Variants in SGPL1 observed in about 807,000 individuals in gnomAD.
The protein encoded by SGPL1 is sphingosine-1-phosphate lyase 1.
Under a neutral mutation model 68.9 loss-of-function variants are expected in SGPL1, and 37 were observed. The ratio of observed to expected loss-of-function variants is 0.54; its 90% CI spans 0.41 to 0.71. SGPL1 has a LOEUF of 0.71. SGPL1 is among the 30% of genes least tolerant of loss of function. SGPL1 has a pLI of 0.00. For missense variants in SGPL1, 551 were observed against 704.6 expected (o/e 0.78, Z 2.47); for synonymous variants, 236 against 248.5 (o/e 0.95, Z 0.47).
chr10:70,873,323 C>T, intron 11 of SGPL1, 28 bp from the exon 12 acceptor site: 1 of 1,551,770 alleles, frequency 6.4e-7, no homozygotes, highest in Non-Finnish European at 8.9e-7. Flanking sequence ...TATACTCTCA[C>T]TTTTCTTGTC....
chr10:70,823,132 G>A (rs961206218), intron 2 of SGPL1, among the ~76,000 whole-genome samples: 13 of 152,012 alleles, frequency 8.6e-5, no homozygotes, highest in African/African-American at 1.7e-4. Context: ...TTCAAGGGGC[G>A]TGTGTGTGTC....
In SGPL1 at chr10:70,816,858, C is replaced by T. The variant is rs748682850; in HGVS notation, c.5C>T (p.Pro2Leu). ...AGAGGAGGCTGGAAGAGGAAGATGCCTAGCACAGACCTTCTGATGTTGGTG... is the reference window on the plus strand; with the variant it reads ...AGAGGAGGCTGGAAGAGGAAGATGCTTAGCACAGACCTTCTGATGTTGGTG... MPSTDLLMLKAF... is the reference protein window; with the variant it reads MLSTDLLMLKAF... Residue 2 changes from proline to leucine, a missense_variant, in exon 2 of 15, where the codon CCT (proline) becomes CTT (leucine). Pro to Leu is a moderately conservative substitution (Grantham distance 98, BLOSUM62 -3). Coordinates refer to ENST00000373202, the MANE Select transcript of SGPL1 (RefSeq NM_003901.4). The T allele has an allele frequency of 6.2e-7, 1 of 1,614,112 alleles. No individual in the cohort carries two copies. Among genetic ancestry groups the T allele is most frequent in the Non-Finnish European group, 8.5e-7 (1 of 1,179,972 alleles).
chr10:70,835,772 T>C (rs974883911), intron 2 of SGPL1, among the ~76,000 whole-genome samples: 5 of 150,540 alleles, frequency 3.3e-5, no homozygotes, highest in South Asian at 2.1e-4. Flanking sequence ...AAGAAGACAT[T>C]GTACAGGAGA....
intron 4 of SGPL1, among the ~76,000 whole-genome samples, chr10:70,851,568 A>T (rs567295182): frequency 6.6e-6 from 1 of 152,186 alleles, no homozygotes; most frequent in African/African-American, 2.4e-5. Context: ...GAGAGATGAG[A>T]AGCCTGTTAA....
In SGPL1 at chr10:70,876,579, G is replaced by C. The variant is rs753391574; in HGVS notation, c.1484G>C (p.Arg495Pro). The change falls in exon 14 of 15, where the codon CGA becomes CCA. Residue 495 changes from arginine to proline, a missense_variant. Arg to Pro is a moderately radical substitution (Grantham distance 103, BLOSUM62 -2). Transcript: ENST00000373202. ...ATCACATTACTACACGCCCGGAAAC[G>C]AGTAGCTATACAATTCCTAAAGGAC... ...FCITLLHARK[R>P]VAIQFLKDIR... The C allele has an allele frequency of 6.2e-7, 1 of 1,612,682 alleles. No homozygotes were observed. Among genetic ancestry groups the C allele is most frequent in the Admixed American group, 1.7e-5 (1 of 60,000 alleles).
intron 14 of SGPL1, 130 bp from the exon 15 acceptor site, chr10:70,877,065 T>C (rs1216017462): frequency 1.2e-6 from 1 of 806,584 alleles, no homozygotes; most frequent in Non-Finnish European, 2.0e-6. Flanking sequence ...ATGGGATGCC[T>C]TAGGTGGAAA....
At position 70,851,189 on chromosome 10, in the gene SGPL1, GA is replaced by G. The variant is rs1187892227; in HGVS notation, c.241del (p.Met81CysfsTer12). The G allele has an allele frequency of 6.2e-7, 1 of 1,613,668 alleles. No individual in the cohort carries two copies. Among genetic ancestry groups the G allele is most frequent in the African/African-American group, 1.3e-5 (1 of 74,914 alleles). ...KKKCFKLTRK[M>X]PIIGRKIQDK... ...AGAAATGTTTTAAGCTCACCAGGAA[GA>G]TGCCCATTATTGGTCGTAAGGTAAG... On this transcript the variant is annotated frameshift_variant, in exon 4 of 15. Coordinates refer to ENST00000373202, the MANE Select transcript of SGPL1 (RefSeq NM_003901.4). LOFTEE classifies it high-confidence loss of function.
chr10:70,868,329 C>G lies in SGPL1; in HGVS notation c.616-16C>G, dbSNP rs1044392771. The G allele has an allele frequency of 5.0e-6, 8 of 1,585,752 alleles. No individual in the cohort carries two copies. Among genetic ancestry groups the G allele is most frequent in the Non-Finnish European group, 6.0e-6 (7 of 1,162,302 alleles). On this transcript the variant is annotated splice_polypyrimidine_tract_variant and intron_variant, in intron 7 of 14. Coordinates refer to ENST00000373202, the MANE Select transcript of SGPL1 (RefSeq NM_003901.4). ...TCCTGACTCCCCCAACAGATGGCATCTCTTCTTTATTATAGGTGACTTCTG... is the reference window on the plus strand; with the variant it reads ...TCCTGACTCCCCCAACAGATGGCATGTCTTCTTTATTATAGGTGACTTCTG...
At chr10:70,818,429 T>A (rs1465473266) in intron 2 of SGPL1, among the ~76,000 whole-genome samples, 1 of 152,124 alleles carries the variant, frequency 6.6e-6, no homozygotes, top group Non-Finnish European at 1.5e-5. Context: ...CAGCCAAGTT[T>A]GTTTGTTTGT....
chr10:70,860,049 A>G (rs1036841689), intron 7 of SGPL1, among the ~76,000 whole-genome samples: 1 of 152,170 alleles, frequency 6.6e-6, no homozygotes, highest in Non-Finnish European at 1.5e-5. Context: ...TGTAAACTGA[A>G]CCTCATTTAG....
chr10:70,855,583 G>A (rs1845951217), intron 5 of SGPL1, among the ~76,000 whole-genome samples: 2 of 152,190 alleles, frequency 1.3e-5, no homozygotes, highest in African/African-American at 4.8e-5. Flanking sequence ...GATTAAATGA[G>A]ATCATACATG....
intron 7 of SGPL1, among the ~76,000 whole-genome samples, chr10:70,863,635 G>A (rs1846124553): frequency 6.6e-6 from 1 of 152,072 alleles, no homozygotes; most frequent in Non-Finnish European, 1.5e-5. Context: ...CACCACACTG[G>A]AACCAAATTA....
intron 2 of SGPL1, 76 bp downstream of exon 2, chr10:70,816,956 T>A: frequency 7.4e-7 from 1 of 1,343,130 alleles, no homozygotes; most frequent in Non-Finnish European, 1.1e-6. Flanking sequence ...TCCCAGTGTG[T>A]AGATTTCACC....
intron 2 of SGPL1, among the ~76,000 whole-genome samples, chr10:70,835,222 T>C (rs1350539113): frequency 6.6e-6 from 1 of 152,236 alleles, no homozygotes; most frequent in Non-Finnish European, 1.5e-5. Context: ...GTGTAGGAGA[T>C]AGAAGACTTA....
At chr10:70,826,879 G>GTA (rs560998423) in intron 2 of SGPL1, among the ~76,000 whole-genome samples, 1 of 152,024 alleles carries the variant, frequency 6.6e-6, no homozygotes, top group Admixed American at 6.5e-5. Flanking sequence ...TTTTATTGCT[G>GTA]TATATATAGT....
chr10:70,857,947 A>G (rs1845992775), intron 6 of SGPL1, among the ~76,000 whole-genome samples: 1 of 152,214 alleles, frequency 6.6e-6, no homozygotes, highest in African/African-American at 2.4e-5. Flanking sequence ...GCAGATTACT[A>G]GGGAAGGTAG....
At chr10:70,822,795 C>CTTTTTT (rs79983712) in intron 2 of SGPL1, among the ~76,000 whole-genome samples, 1 of 136,090 alleles carries the variant, frequency 7.3e-6, no homozygotes, top group Non-Finnish European at 1.6e-5. Context: ...CATTATCACT[C>CTTTTTT]TTTTTTTTTT....
At chr10:70,837,924 G>A (rs72816597) in intron 2 of SGPL1, among the ~76,000 whole-genome samples, 9 of 152,238 alleles carry the variant, frequency 5.9e-5, no homozygotes, top group Non-Finnish European at 8.8e-5. Flanking sequence ...GTGAGCACGC[G>A]AGCTAGAGGG....
At chr10:70,827,817 C>A (rs776108855) in intron 2 of SGPL1, among the ~76,000 whole-genome samples, 1 of 152,126 alleles carries the variant, frequency 6.6e-6, no homozygotes, top group East Asian at 1.9e-4. Context: ...CTTAATGTCC[C>A]TCCCAGTTGA....
Sources: allele counts gnomAD v4.1 joint callset (sites outside exome capture counted in the v4.1 genomes callset), GRCh38; gene constraint gnomAD v4.1.1; transcripts MANE v1.5; gene names NCBI Gene and HGNC (gene_info 2026-07-23, HGNC 2026-07-21).